Variants in TSPEAR observed in about 807,000 individuals in gnomAD.
TSPEAR encodes the protein thrombospondin type laminin G domain and EAR repeats.
TSPEAR carries 69 observed loss-of-function variants against 71.6 expected under a neutral mutation model. The observed-to-expected ratio is 0.96, with a 90% CI of 0.79 to 1.18. The LOEUF (loss-of-function observed/expected upper bound fraction) is 1.18. Among genes scored for constraint, TSPEAR ranks in the 50% most tolerant of loss-of-function variants. The probability of loss-of-function intolerance (pLI) is 0.00; values close to 1 mark genes in which losing one functional copy is unlikely to be tolerated. For missense variants in TSPEAR, 971 were observed against 894.9 expected, an observed-to-expected ratio of 1.09 and a Z score of -1.09; for synonymous variants, 402 against 387.2, an observed-to-expected ratio of 1.04 and a Z score of -0.45.
At chr21:44,684,849 T>C (rs1555948699) in intron 1 of TSPEAR, among the ~76,000 whole-genome samples, 1 of 152,242 alleles carries the variant, frequency 6.6e-6, no homozygotes, top group African/African-American at 2.4e-5. Context: ...ACAGCTAACC[T>C]TTAAAATGGA....
intron 5 of TSPEAR, among the ~76,000 whole-genome samples, chr21:44,529,541 A>G (rs1357968713): frequency 2.6e-5 from 4 of 152,174 alleles, no homozygotes; most frequent in Non-Finnish European, 5.9e-5. Flanking sequence ...GTCCCCAGGA[A>G]GGGGCTGGAT....
chr21:44,592,568 G>T (rs1203181346), intron 1 of TSPEAR: 1 of 1,535,068 alleles, frequency 6.5e-7, no homozygotes, highest in African/African-American at 1.4e-5. Flanking sequence ...TGGCCTTGTT[G>T]TCCCCGGGCC....
At chr21:44,567,351 A>C (rs199997415) in intron 2 of TSPEAR, among the ~76,000 whole-genome samples, 1 of 152,232 alleles carries the variant, frequency 6.6e-6, no homozygotes, top group Non-Finnish European at 1.5e-5. Flanking sequence ...ACCGTGGGGA[A>C]GGGGACAGAG....
rs114316255 is a variant in TSPEAR at position 44,593,065 on chromosome 21, G to T, written c.83-25060C>A. Among the ~76,000 whole-genome samples, 1,468 of 152,282 alleles carry T rather than the reference G, an allele frequency of 9.6e-3. 23 individuals carry two copies. The highest frequency in any genetic ancestry group is 0.033 in the African/African-American group (1,383 of 41,552). Reference sequence around the variant, plus strand: ...TCATCCCCACAGCCTCTTCACCTCCGGCCCTGTTTCGTGTCCACCTCGTCT... The same window carrying T: ...TCATCCCCACAGCCTCTTCACCTCCTGCCCTGTTTCGTGTCCACCTCGTCT... On this transcript the variant is annotated intron_variant, in intron 1 of 11. Transcript: ENST00000323084. The surrounding 1 kb of genome is among the most constrained non-coding windows in gnomAD (Gnocchi z 5.9).
intron 1 of TSPEAR, among the ~76,000 whole-genome samples, chr21:44,615,430 T>C (rs1300887980): frequency 6.6e-6 from 1 of 152,140 alleles, no homozygotes; most frequent in African/African-American, 2.4e-5. Flanking sequence ...GGATCCCACC[T>C]CTCAGCGGAT....
At chr21:44,706,652 C>T (rs1415964327) in intron 1 of TSPEAR, among the ~76,000 whole-genome samples, 1 of 152,242 alleles carries the variant, frequency 6.6e-6, no homozygotes, top group Non-Finnish European at 1.5e-5. Context: ...TGTCGGGGAT[C>T]GAGCAGCTCC....
intron 2 of TSPEAR, among the ~76,000 whole-genome samples, chr21:44,565,541 G>A (rs2053691535): frequency 1.3e-5 from 2 of 152,128 alleles, no homozygotes; most frequent in African/African-American, 4.8e-5. Flanking sequence ...ATTTATCCCT[G>A]GGATACAAGA....
rs1980590182 is a variant in TSPEAR at position 44,599,160 on chromosome 21, C to CTCTCTCTCTCTCTT, written c.83-31156_83-31155insAAGAGAGAGAGAGA. Among the ~76,000 whole-genome samples the CTCTCTCTCTCTCTT allele has an allele frequency of 1.4e-5, 2 of 140,054 alleles. 1 individual carries two copies. Among genetic ancestry groups the CTCTCTCTCTCTCTT allele is most frequent in the South Asian group, 4.9e-4 (2 of 4,104 alleles). The allele number at this position is 140,054 out of a possible 152,430, so 91.9% of individuals were successfully genotyped here. ...TCTCTCTCTCTCTCTCTCTCTCTCT[C>CTCTCTCTCTCTCTT]TCTCTCTCTCTCCTTCCATCCCATA... On this transcript the variant is annotated intron_variant, in intron 1 of 11. Coordinates refer to ENST00000323084, the MANE Select transcript of TSPEAR (RefSeq NM_144991.3).
intron 1 of TSPEAR, among the ~76,000 whole-genome samples, chr21:44,696,074 A>G (rs1463358163): frequency 6.6e-6 from 1 of 151,986 alleles, no homozygotes; most frequent in African/African-American, 2.4e-5. Context: ...TCCTAGAACA[A>G]CCCCTCTGAA....
chr21:44,595,568 A>AC (rs1426611385), intron 1 of TSPEAR, among the ~76,000 whole-genome samples: 1 of 152,174 alleles, frequency 6.6e-6, no homozygotes, highest in Non-Finnish European at 1.5e-5. Flanking sequence ...GACGTGCTGG[A>AC]GCCTTCTGAG....
chr21:44,587,533 A>G lies in TSPEAR; in HGVS notation c.83-19528T>C, dbSNP rs587618547. ...ATCACAGAGTTACAAAAAAAATTCTATAATTCATATGGAACCAAAAAAGGG... is the reference window on the plus strand; with the variant it reads ...ATCACAGAGTTACAAAAAAAATTCTGTAATTCATATGGAACCAAAAAAGGG... On this transcript the variant is annotated intron_variant, in intron 1 of 11. Coordinates refer to ENST00000323084, the MANE Select transcript of TSPEAR (RefSeq NM_144991.3). Among the ~76,000 whole-genome samples the G allele has an allele frequency of 9.8e-5, 15 of 152,308 alleles. No homozygotes were observed. The East Asian group carries it at 1.4e-3, about 14-fold the overall frequency.
chr21:44,556,644 A>G (rs937591245), intron 2 of TSPEAR, among the ~76,000 whole-genome samples: 13 of 152,180 alleles, frequency 8.5e-5, no homozygotes, highest in African/African-American at 2.9e-4. Flanking sequence ...GTGAGCCGAG[A>G]TCGCACCACT....
At chr21:44,627,292 C>T (rs200201249) in intron 1 of TSPEAR, 49 of 1,612,588 alleles carry the variant, frequency 3.0e-5, no homozygotes, top group Non-Finnish European at 3.9e-5. Flanking sequence ...CGCCCCGGCC[C>T]CCTGCCTGAC....
At chr21:44,703,521 G>C (rs977147522) in intron 1 of TSPEAR, among the ~76,000 whole-genome samples, 3 of 152,248 alleles carry the variant, frequency 2.0e-5, no homozygotes, top group Non-Finnish European at 4.4e-5. Context: ...CACAGCTGAA[G>C]CTGAGTGTCG....
rs1027559591 is a variant in TSPEAR, at chr21:44,546,898, T to G, written c.304-12975A>C. 6.6e-6 allele frequency among the ~76,000 whole-genome samples: 1 copy of G among 152,234 alleles called. No individual in the cohort carries two copies. Among genetic ancestry groups the G allele is most frequent in the Admixed American group, 6.5e-5 (1 of 15,282 alleles). On this transcript the variant is annotated intron_variant, in intron 2 of 11. Coordinates refer to ENST00000323084, the MANE Select transcript of TSPEAR (RefSeq NM_144991.3). This position sits in a 1 kb window ranked among gnomAD's most constrained non-coding sequence, Gnocchi z 4.4. ...GGGTTCACTGAGTGGCTTGAATGTG[T>G]AGATTGGTATGTCTTCTCAATTTGG...
chr21:44,658,403 C>A, intron 1 of TSPEAR: 2 of 877,770 alleles, frequency 2.3e-6, no homozygotes, highest in East Asian at 5.4e-5. Flanking sequence ...GGGGTGAGAA[C>A]GTGGAAAAAT....
intron 2 of TSPEAR, among the ~76,000 whole-genome samples, chr21:44,538,419 G>A (rs2053130812): frequency 1.4e-5 from 1 of 71,428 alleles, no homozygotes; most frequent in African/African-American, 5.9e-5. Flanking sequence ...TGTGGAAACT[G>A]CTGCCCCCCC....
chr21:44,504,970 G>C, intron 10 of TSPEAR, 89 bp from the exon 11 acceptor site: 1 of 1,043,820 alleles, frequency 9.6e-7, no homozygotes, highest in Non-Finnish European at 1.5e-6. Flanking sequence ...AAAATTTATA[G>C]AGGAGGAGCC....
rs1392155591 is a variant in TSPEAR, at chr21:44,601,710, C to T, written c.83-33705G>A. 3 of 1,611,870 alleles carry T rather than the reference C, an allele frequency of 1.9e-6. No individual in the cohort carries two copies. In the South Asian group the frequency reaches 3.3e-5, roughly 18 times the overall value. ...CCCGCCCGGCCTGCTGTGGCCCCAC[C>T]TCAACCCAGAAGTCCAGCTGCTGAG... On this transcript the variant is annotated intron_variant, in intron 1 of 11. Transcript: ENST00000323084.
Sources: gnomAD v4.1 joint callset for allele counts (sites outside exome capture counted in the v4.1 genomes callset) on GRCh38, gnomAD v4.1.1 for gene constraint, Gnocchi (gnomAD v3.1) non-coding constraint, MANE v1.5 for transcripts, NCBI Gene and HGNC (gene_info 2026-07-23, HGNC 2026-07-21) for gene names.